ITGBL1: variants seen among roughly 807,000 people sequenced by gnomAD.
ITGBL1 encodes the protein integrin beta-like protein 1.
Under a neutral mutation model 68.5 loss-of-function variants are expected in ITGBL1, and 51 were observed. The ratio of observed to expected loss-of-function variants is 0.74; its 90% CI spans 0.59 to 0.94. The LOEUF (loss-of-function observed/expected upper bound fraction) is 0.94. ITGBL1 is among the 40% of genes least tolerant of loss of function. The pLI is 0.00. For synonymous variants in ITGBL1, 209 were observed against 227.3 expected, an observed-to-expected ratio of 0.92 and a Z score of 0.72; for missense variants, 649 against 647.4, an observed-to-expected ratio of 1.00 and a Z score of -0.03.
intron 8 of ITGBL1, among the ~76,000 whole-genome samples, chr13:101,700,089 C>G (rs1407343459): frequency 5.3e-5 from 8 of 152,180 alleles, no homozygotes; most frequent in Admixed American, 5.2e-4. Context: ...CATTTGTAAG[C>G]TCTAACATGT....
intron 7 of ITGBL1, among the ~76,000 whole-genome samples, chr13:101,625,357 C>T (rs952215074): frequency 1.3e-5 from 2 of 152,152 alleles, no homozygotes; most frequent in South Asian, 2.1e-4. Flanking sequence ...GTTAAGCCTT[C>T]GTATGTCTTT....
intron 2 of ITGBL1, among the ~76,000 whole-genome samples, chr13:101,507,245 A>T (rs1033523064): frequency 1.3e-5 from 2 of 152,232 alleles, no homozygotes; most frequent in African/African-American, 4.8e-5. Context: ...AAGTTCCATG[A>T]GGGCAGGAGG....
chr13:101,642,844 T>C (rs964062534), intron 7 of ITGBL1, among the ~76,000 whole-genome samples: 8 of 152,106 alleles, frequency 5.3e-5, no homozygotes, highest in African/African-American at 1.9e-4. Context: ...TGCTTATTTT[T>C]CTCAGGTTTG....
Position 101,645,694 on chromosome 13 carries a change from G to A in ITGBL1, c.1016-46891G>A, listed in dbSNP as rs577610933. On this transcript the variant is annotated intron_variant, in intron 7 of 10. Transcript: ENST00000376180. ...GGAGTGAGACAGGGAATCTGAATACGGGCTCTAAGAAGTGAAGATGAAAAG... is the reference window on the plus strand; with the variant it reads ...GGAGTGAGACAGGGAATCTGAATACAGGCTCTAAGAAGTGAAGATGAAAAG... 4.6e-5 allele frequency among the ~76,000 whole-genome samples: 7 copies of A among 152,188 alleles called. No individual in the cohort carries two copies. In the South Asian group the frequency reaches 8.3e-4, roughly 18 times the overall value.
At chr13:101,476,354 A>G (rs1016923557) in intron 2 of ITGBL1, among the ~76,000 whole-genome samples, 22 of 152,132 alleles carry the variant, frequency 1.4e-4, no homozygotes, top group African/African-American at 5.1e-4. Context: ...AAGTTTAAAA[A>G]TGAAATTAAA....
At chr13:101,572,511 T>C (rs1478649315) in intron 3 of ITGBL1, among the ~76,000 whole-genome samples, 1 of 151,964 alleles carries the variant, frequency 6.6e-6, no homozygotes, top group Non-Finnish European at 1.5e-5. Context: ...AAATGAGAGC[T>C]AAAAATCATC....
At chr13:101,653,167 AAGAAG>A in intron 7 of ITGBL1, among the ~76,000 whole-genome samples, 1 of 150,956 alleles carries the variant, frequency 6.6e-6, no homozygotes, top group African/African-American at 2.4e-5. Context: ...AGGAGAAACA[AAGAAG>A]AGAAGAAGAG....
At position 101,541,198 on chromosome 13, in the gene ITGBL1, G is replaced by C. The variant is rs1302842245; in HGVS notation, c.317-26501G>C. 2.0e-5 allele frequency among the ~76,000 whole-genome samples: 3 copies of C among 150,128 alleles called. No homozygotes were observed. The East Asian group carries it at 5.9e-4, about 29-fold the overall frequency. On this transcript the variant is annotated intron_variant, in intron 2 of 10. Coordinates refer to ENST00000376180, the MANE Select transcript of ITGBL1 (RefSeq NM_004791.3). ...TGATATTGGCTGTGGGTTTGTCATA[G>C]ATAGCTCTTATTATTTTGAGATACG...
chr13:101,543,989 T>G (rs959882722), intron 2 of ITGBL1, among the ~76,000 whole-genome samples: 5 of 152,212 alleles, frequency 3.3e-5, no homozygotes, highest in East Asian at 1.9e-4. Flanking sequence ...TTCTTTGCCA[T>G]GGGTTCGAAC....
intron 7 of ITGBL1, among the ~76,000 whole-genome samples, chr13:101,666,248 C>T (rs554663143): frequency 6.6e-6 from 1 of 152,192 alleles, no homozygotes; most frequent in African/African-American, 2.4e-5. Context: ...CTGAATGAAC[C>T]CTTTGTACTC....
chr13:101,510,170 C>A (rs1022772649), intron 2 of ITGBL1, among the ~76,000 whole-genome samples: 2 of 152,062 alleles, frequency 1.3e-5, no homozygotes, highest in African/African-American at 4.8e-5. Flanking sequence ...TCCATCCCCT[C>A]CTCTAGTAGT....
rs1555361673 is a variant in ITGBL1, at chr13:101,604,887, T to TACACATACATACAC, written c.1015+6593_1015+6594insTACATACACACACA. On this transcript the variant is annotated intron_variant, in intron 7 of 10. Transcript: ENST00000376180. ...ATATATATATATATATATATATATA[T>TACACATACATACAC]ACACACACACACACATATATATGTG... 3.0e-3 allele frequency among the ~76,000 whole-genome samples: 66 copies of TACACATACATACAC among 22,156 alleles called. 3 individuals are homozygous for TACACATACATACAC. The highest frequency in any genetic ancestry group is 0.014 in the Admixed American group (17 of 1,230). The allele number at this position is 22,156 out of a possible 152,430, so 14.5% of individuals were successfully genotyped here.
At chr13:101,671,437 G>GTTTGT (rs2033363884) in intron 7 of ITGBL1, among the ~76,000 whole-genome samples, 5 of 102,800 alleles carry the variant, frequency 4.9e-5, no homozygotes, top group Non-Finnish European at 9.4e-5. Flanking sequence ...TTTTTTTTTT[G>GTTTGT]TTTTTTTTTG....
chr13:101,597,418 G>T (rs1412502519), intron 6 of ITGBL1, among the ~76,000 whole-genome samples: 1 of 13,574 alleles, frequency 7.4e-5, no homozygotes, highest in Admixed American at 6.7e-4. Flanking sequence ...AGTCTAAAAA[G>T]CAAAAAAAAA....
At chr13:101,623,099 C>T (rs2031650187) in intron 7 of ITGBL1, among the ~76,000 whole-genome samples, 1 of 151,964 alleles carries the variant, frequency 6.6e-6, no homozygotes, top group Admixed American at 6.6e-5. Context: ...ATCACTGACG[C>T]TTGTTAATGT....
At chr13:101,590,556 A>C (rs1348338950) in intron 6 of ITGBL1, among the ~76,000 whole-genome samples, 1 of 152,134 alleles carries the variant, frequency 6.6e-6, no homozygotes, top group Non-Finnish European at 1.5e-5. Context: ...TAAACTTTCA[A>C]GAGTGGAGAA....
chr13:101,605,148 ATATGTG>A (rs1472877957), intron 7 of ITGBL1, among the ~76,000 whole-genome samples: 1 of 139,352 alleles, frequency 7.2e-6, no homozygotes, highest in African/African-American at 2.8e-5. Flanking sequence ...GTATATATAC[ATATGTG>A]TGTGTATATG....
chr13:101,622,945 T>TGTGTGTG (rs2031644023), intron 7 of ITGBL1, among the ~76,000 whole-genome samples: 5 of 81,438 alleles, frequency 6.1e-5, no homozygotes, highest in Admixed American at 3.4e-4. Context: ...GTGTGTGTGT[T>TGTGTGTG]TTCCTGTAGT....
intron 7 of ITGBL1, among the ~76,000 whole-genome samples, chr13:101,635,431 TAAAC>T (rs901705996): frequency 1.3e-5 from 2 of 152,104 alleles, no homozygotes; most frequent in Admixed American, 1.3e-4. Context: ...AATTTAGTCA[TAAAC>T]AAATAACTCA....
Sources: allele counts gnomAD v4.1 joint callset (sites outside exome capture counted in the v4.1 genomes callset), GRCh38; gene constraint gnomAD v4.1.1; transcripts MANE v1.5; gene names NCBI Gene and HGNC (gene_info 2026-07-23, HGNC 2026-07-21).